INO80: variants seen among roughly 807,000 people sequenced by gnomAD.
INO80 encodes the protein INO80 complex ATPase subunit, also known as chromatin-remodeling ATPase INO80.
A neutral mutation model predicts 203.4 loss-of-function variants in INO80; 20 were observed. That is an observed-to-expected ratio of 0.10 (90% CI 0.07 to 0.14). INO80 has a LOEUF of 0.14. Among genes scored for constraint, INO80 ranks in the 10% least tolerant of loss-of-function variants. The probability of loss-of-function intolerance (pLI) is 1.00; values close to 1 mark genes in which losing one functional copy is unlikely to be tolerated. For missense variants in INO80, 1,419 were observed against 1,914.4 expected (o/e 0.74, Z 4.83); for synonymous variants, 726 against 685.2 (o/e 1.06, Z -0.93).
rs145181751 is a variant in INO80, at chr15:40,984,239, G to A, written c.4035C>T (p.Ser1345=). Residue 1345 remains serine, a synonymous_variant, in exon 33 of 36, where the codon TCC becomes TCT. Coordinates refer to ENST00000648947, the MANE Select transcript of INO80 (RefSeq NM_017553.3). ...GCATGGCTGAGTCCACGCTAATGAA[G>A]GAGTCATCTCCGTCAGCAGAGAGGT... ...NSNLSADGDD[S]FISVDSAMPS... The A allele has an allele frequency of 3.7e-6, 6 of 1,613,802 alleles. No homozygotes were observed. The African/African-American group carries it at 6.7e-5, about 18-fold the overall frequency.
chr15:41,045,305 T>A (rs2044736668), intron 23 of INO80, among the ~76,000 whole-genome samples: 1 of 152,098 alleles, frequency 6.6e-6, no homozygotes, highest in Admixed American at 6.6e-5. Flanking sequence ...TTTAAAAAAA[T>A]TTGCCAGGCG....
At chr15:41,079,988 A>C (rs2045461865) in intron 8 of INO80, 84 bp from the exon 9 acceptor site, 1 of 1,174,462 alleles carries the variant, frequency 8.5e-7, no homozygotes, top group African/African-American at 1.5e-5. Flanking sequence ...ATCATTCCTC[A>C]ATCTGTTCAG....
chr15:40,981,171 C>T (rs916036382), intron 35 of INO80, among the ~76,000 whole-genome samples: 7 of 28,222 alleles, frequency 2.5e-4, no homozygotes, highest in African/African-American at 2.9e-4. Flanking sequence ...TGTCTCTCTC[C>T]TCATCCACAG....
intron 35 of INO80, among the ~76,000 whole-genome samples, chr15:40,981,469 A>C (rs947347162): frequency 3.3e-5 from 5 of 152,160 alleles, no homozygotes; most frequent in African/African-American, 1.2e-4. Context: ...ATTATACTTC[A>C]TATTTCCTCT....
chr15:40,991,174 G>A (rs948606962), intron 29 of INO80, among the ~76,000 whole-genome samples: 3 of 152,058 alleles, frequency 2.0e-5, no homozygotes, highest in African/African-American at 7.2e-5. Context: ...CTAAGGAGAT[G>A]GGTTTACAAT....
At chr15:40,987,021 G>T in intron 31 of INO80, 70 bp downstream of exon 31, 1 of 860,944 alleles carries the variant, frequency 1.2e-6, no homozygotes, top group Non-Finnish European at 1.9e-6. Flanking sequence ...GCCTACCCTT[G>T]GCACACAGCC....
At chr15:41,002,296 A>C (rs138648530) in intron 28 of INO80, among the ~76,000 whole-genome samples, 1 of 152,362 alleles carries the variant, frequency 6.6e-6, no homozygotes, top group African/African-American at 2.4e-5. Flanking sequence ...GCCAAGTAAA[A>C]TTTAATGGTG....
At position 40,987,805 on chromosome 15, in the gene INO80, C is replaced by T. The variant is rs758391754; in HGVS notation, c.3729+11G>A. The T allele has an allele frequency of 6.2e-6, 10 of 1,610,830 alleles. No individual in the cohort carries two copies. The South Asian group carries it at 9.9e-5, about 16-fold the overall frequency. ...TCCACCAGTGTAGGAATTTCTTTCT[C>T]TTGTGCTTACCTCACTCTTCTCCTT... On this transcript the variant is annotated intron_variant, in intron 30 of 35. Coordinates refer to ENST00000648947, the MANE Select transcript of INO80 (RefSeq NM_017553.3).
At chr15:41,005,200 C>CAAACAAA (rs2044021163) in intron 28 of INO80, 1 of 80,062 alleles carries the variant, frequency 1.2e-5, no homozygotes. Context: ...CTCACACACA[C>CAAACAAA]AAAAAAAAAA....
At chr15:41,020,719 A>G (rs573755725) in intron 26 of INO80, among the ~76,000 whole-genome samples, 181 bp downstream of exon 26, 1 of 151,906 alleles carries the variant, frequency 6.6e-6, no homozygotes, top group African/African-American at 2.4e-5. Context: ...ATCTAAAAAC[A>G]TTTCTCTCTC....
chr15:41,059,485 C>A (rs774385204), intron 15 of INO80, among the ~76,000 whole-genome samples: 2 of 150,080 alleles, frequency 1.3e-5, no homozygotes, highest in African/African-American at 4.9e-5. Flanking sequence ...ATTAGCCGGG[C>A]ATGGTGTAGC....
chr15:41,106,961 C>G (rs1257314817), intron 1 of INO80, among the ~76,000 whole-genome samples: 2 of 152,168 alleles, frequency 1.3e-5, no homozygotes, highest in Non-Finnish European at 2.9e-5. Flanking sequence ...AAACCAGTAT[C>G]AGAATTGTTA....
intron 19 of INO80, among the ~76,000 whole-genome samples, chr15:41,050,629 C>G (rs549751181): frequency 1.2e-4 from 18 of 152,254 alleles, no homozygotes; most frequent in Admixed American, 1.3e-4. Flanking sequence ...AATCTACCAC[C>G]TTTTCTAACC....
chr15:41,058,949 T>C (rs1347538538), intron 15 of INO80, among the ~76,000 whole-genome samples, 168 bp from the exon 16 acceptor site: 1 of 152,036 alleles, frequency 6.6e-6, no homozygotes, highest in African/African-American at 2.4e-5. Flanking sequence ...CTGTGGGGTT[T>C]TGTCTGTTGT....
At chr15:41,039,630 A>C (rs2044638037) in intron 24 of INO80, among the ~76,000 whole-genome samples, 1 of 152,212 alleles carries the variant, frequency 6.6e-6, no homozygotes, top group African/African-American at 2.4e-5. Context: ...TGAAAAAAGA[A>C]GCACCAGACA....
At chr15:41,038,181 GT>G (rs546798538) in intron 24 of INO80, among the ~76,000 whole-genome samples, 1 of 150,652 alleles carries the variant, frequency 6.6e-6, no homozygotes, top group Non-Finnish European at 1.5e-5. Flanking sequence ...TGCCTGGCTA[GT>G]TTTTTTTATT....
At chr15:40,994,473 C>T (rs1294306404) in intron 29 of INO80, among the ~76,000 whole-genome samples, 1 of 152,082 alleles carries the variant, frequency 6.6e-6, no homozygotes, top group Non-Finnish European at 1.5e-5. Context: ...AAGCAATTCT[C>T]CTGCCTCAGC....
intron 35 of INO80, among the ~76,000 whole-genome samples, chr15:40,982,205 G>C (rs1893856963): frequency 6.6e-6 from 1 of 152,188 alleles, no homozygotes; most frequent in Non-Finnish European, 1.5e-5. Context: ...GGAGTGCAGT[G>C]ACCTGATCTC....
chr15:40,983,904 C>T lies in INO80; in HGVS notation c.4095G>A (p.Glu1365=), dbSNP rs919642642. The change falls in exon 34 of 36, where the codon GAG becomes GAA. Residue 1365 remains glutamate (E), a synonymous_variant. Transcript: ENST00000648947. ...SPFSEISISS[E]LHTGSIPLDE... ...CCAGGGGAATGGAGCCAGTGTGCAGCTCACTGCTGATGGAGATCTAGAAGA... is the reference window on the plus strand; with the variant it reads ...CCAGGGGAATGGAGCCAGTGTGCAGTTCACTGCTGATGGAGATCTAGAAGA... 6.2e-7 allele frequency: 1 copy of T among 1,613,700 alleles called. No individual in the cohort carries two copies. Among genetic ancestry groups the T allele is most frequent in the Non-Finnish European group, 8.5e-7 (1 of 1,180,016 alleles).
Sources: allele counts gnomAD v4.1 joint callset (sites outside exome capture counted in the v4.1 genomes callset), GRCh38; gene constraint gnomAD v4.1.1; transcripts MANE v1.5; gene names NCBI Gene and HGNC (gene_info 2026-07-23, HGNC 2026-07-21).